ABCA13: variants seen among roughly 807,000 people sequenced by gnomAD.
The protein encoded by ABCA13 is ATP binding cassette subfamily A member 13.
Under a neutral mutation model 478.7 loss-of-function variants are expected in ABCA13, and 476 were observed. The ratio of observed to expected loss-of-function variants is 0.99; its 90% CI spans 0.92 to 1.07. The LOEUF (loss-of-function observed/expected upper bound fraction) is 1.07. Ranked by LOEUF, ABCA13 falls within the 50% of genes least tolerant of loss-of-function variation. The pLI, the probability that ABCA13 is intolerant of heterozygous loss-of-function variation, is 0.00. For missense variants in ABCA13, 6,060 were observed against 5,910.6 expected, an observed-to-expected ratio of 1.03 and a Z score of -0.83; for synonymous variants, 2,252 against 2,158.9, an observed-to-expected ratio of 1.04 and a Z score of -1.20.
At chr7:48,629,123 G>GGT (rs1169691092) in intron 59 of ABCA13, among the ~76,000 whole-genome samples, 4 of 152,164 alleles carry the variant, frequency 2.6e-5, no homozygotes, top group Non-Finnish European at 5.9e-5. Flanking sequence ...GAAACTATCA[G>GGT]GTGTACGATT....
chr7:48,563,215 G>A (rs1786653747), intron 55 of ABCA13, among the ~76,000 whole-genome samples: 1 of 152,088 alleles, frequency 6.6e-6, no homozygotes. Context: ...GTTTAGTTTT[G>A]TGTACCTTCT....
At chr7:48,521,350 A>G (rs990241832) in intron 53 of ABCA13, among the ~76,000 whole-genome samples, 1 of 152,238 alleles carries the variant, frequency 6.6e-6, no homozygotes, top group African/African-American at 2.4e-5. Flanking sequence ...TAAGGATTAT[A>G]AAGACACATG....
chr7:48,421,016 T>C (rs1820671701), intron 41 of ABCA13, among the ~76,000 whole-genome samples: 1 of 152,168 alleles, frequency 6.6e-6, no homozygotes, highest in Non-Finnish European at 1.5e-5. Context: ...TTTGCTGTGA[T>C]TGGTCAGGTT....
At chr7:48,316,043 C>T (rs1802534090) in intron 26 of ABCA13, among the ~76,000 whole-genome samples, 1 of 152,054 alleles carries the variant, frequency 6.6e-6, no homozygotes, top group South Asian at 2.1e-4. Context: ...AAGTATTCCT[C>T]ACTAGCTTAA....
rs564341055 is a variant in ABCA13, at chr7:48,613,006, A to G, written c.14745-2279A>G. Among the ~76,000 whole-genome samples the G allele has an allele frequency of 7.4e-4, 112 of 152,312 alleles. 1 individual carries two copies. Among genetic ancestry groups the G allele is most frequent in the African/African-American group, 2.6e-3 (109 of 41,572 alleles). On this transcript the variant is annotated intron_variant, in intron 58 of 61. Coordinates refer to ENST00000435803, the MANE Select transcript of ABCA13 (RefSeq NM_152701.5). Reference sequence around the variant, plus strand: ...ATAGTTTTAAAATCAATTTGATTTAATGGTTTATATTTTATAATTTGTTGG... The same window carrying G: ...ATAGTTTTAAAATCAATTTGATTTAGTGGTTTATATTTTATAATTTGTTGG...
At position 48,275,101 on chromosome 7, in the gene ABCA13, T is replaced by C; in HGVS notation, c.5435T>C (p.Ile1812Thr). 1 of 1,613,410 alleles carries C rather than the reference T, an allele frequency of 6.2e-7. No homozygotes were observed. The highest frequency in any genetic ancestry group is 8.5e-7 in the Non-Finnish European group (1 of 1,179,578). ...IELVSDKPDIISEALACFPVV... is the reference protein window; with the variant it reads ...IELVSDKPDITSEALACFPVV... Reference sequence around the variant, plus strand: ...TTAGTATCAGATAAGCCAGATATTATTTCAGAGGCTTTAGCTTGTTTTCCT... The same window carrying C: ...TTAGTATCAGATAAGCCAGATATTACTTCAGAGGCTTTAGCTTGTTTTCCT... Residue 1812 changes from isoleucine to threonine, a missense_variant, in exon 17 of 62, where the codon ATT (isoleucine) becomes ACT (threonine). Coordinates refer to ENST00000435803, the MANE Select transcript of ABCA13 (RefSeq NM_152701.5).
At chr7:48,461,896 A>G (rs1380668479) in intron 43 of ABCA13, among the ~76,000 whole-genome samples, 1 of 152,144 alleles carries the variant, frequency 6.6e-6, no homozygotes, top group Admixed American at 6.5e-5. Flanking sequence ...ACAAACACTT[A>G]CAAGGCCATA....
chr7:48,495,171 A>G (rs1036307948), intron 48 of ABCA13, among the ~76,000 whole-genome samples: 14 of 152,230 alleles, frequency 9.2e-5, no homozygotes, highest in Admixed American at 1.3e-4. Context: ...TGAATTTTCT[A>G]AAGTTCAAGG....
At chr7:48,329,331 C>T (rs1188658896) in intron 27 of ABCA13, among the ~76,000 whole-genome samples, 1 of 152,128 alleles carries the variant, frequency 6.6e-6, no homozygotes, top group Admixed American at 6.5e-5. Flanking sequence ...AAAGTGTATA[C>T]AAGATAAAAT....
rs778410080 is a variant in ABCA13 at position 48,392,070 on chromosome 7, A to G, written c.11804A>G (p.His3935Arg). 6.2e-7 allele frequency: 1 copy of G among 1,613,942 alleles called. No homozygotes were observed. The highest frequency in any genetic ancestry group is 8.5e-7 in the Non-Finnish European group (1 of 1,179,864). The change falls in exon 38 of 62, where the codon CAT (histidine) becomes CGT (arginine). Residue 3935 changes from histidine (H) to arginine (R), a missense_variant. His to Arg is a conservative substitution (Grantham distance 29). Around this residue, in one of 3 missense-constraint regions of ABCA13, gnomAD observed 1,627 missense variants for 1,571.0 expected, o/e 1.04. Coordinates refer to ENST00000435803, the MANE Select transcript of ABCA13 (RefSeq NM_152701.5). ...ILLDNLTVRE[H>R]LLLFASIKAP... ...TTGGACAACCTCACCGTCCGGGAAC[A>G]TTTGCTGCTCTTTGCTTCCATAAAG...
intron 42 of ABCA13, among the ~76,000 whole-genome samples, chr7:48,438,140 C>T (rs2129158110): frequency 6.6e-6 from 1 of 152,196 alleles, no homozygotes; most frequent in South Asian, 2.1e-4. Context: ...CCTTTGGGCA[C>T]TCTACAACCA....
Position 48,281,319 on chromosome 7 carries a change from C to T in ABCA13, c.8727-24C>T, listed in dbSNP as rs1321056266. 4 of 1,563,002 alleles carry T rather than the reference C, an allele frequency of 2.6e-6. No individual in the cohort carries two copies. In the Admixed American group the frequency reaches 7.6e-5, roughly 30 times the overall value. ...GTTGCACATTTTTACCCTTTTATGT[C>T]ATTGTATATATTTTTTTGCTAAGTG... On this transcript the variant is annotated intron_variant, in intron 18 of 61. Transcript: ENST00000435803.
At position 48,396,662 on chromosome 7, in the gene ABCA13, C is replaced by T. The variant is rs557330650; in HGVS notation, c.11873+4523C>T. Among the ~76,000 whole-genome samples the T allele has an allele frequency of 8.5e-5, 13 of 152,318 alleles. No homozygotes were observed. The South Asian group carries it at 1.0e-3, about 12-fold the overall frequency. On this transcript the variant is annotated intron_variant, in intron 38 of 61. Coordinates refer to ENST00000435803, the MANE Select transcript of ABCA13 (RefSeq NM_152701.5). ...TAGTGTTGATGCCCTAATGGGAGTACGGACCCTCATTGGGGATTCCATGAG... is the reference window on the plus strand; with the variant it reads ...TAGTGTTGATGCCCTAATGGGAGTATGGACCCTCATTGGGGATTCCATGAG...
At chr7:48,270,975 C>T (rs1190723280) in intron 16 of ABCA13, among the ~76,000 whole-genome samples, 1 of 152,142 alleles carries the variant, frequency 6.6e-6, no homozygotes, top group Non-Finnish European at 1.5e-5. Flanking sequence ...TATTATCCTG[C>T]GTCGCGAGAT....
intron 47 of ABCA13, 114 bp downstream of exon 47, chr7:48,483,277 G>T: frequency 3.5e-6 from 3 of 868,922 alleles, no homozygotes; most frequent in Admixed American, 5.7e-5. Context: ...CCAATCATTT[G>T]TTACTAAGCA....
intron 55 of ABCA13, among the ~76,000 whole-genome samples, chr7:48,557,661 A>G (rs930740340): frequency 6.6e-6 from 1 of 152,074 alleles, no homozygotes; most frequent in Non-Finnish European, 1.5e-5. Context: ...TTGATTATTA[A>G]ATGGCTCAGA....
At chr7:48,239,103 C>T in intron 8 of ABCA13, 138 bp from the exon 9 acceptor site, 2 of 858,884 alleles carry the variant, frequency 2.3e-6, no homozygotes, top group African/African-American at 1.7e-5. Flanking sequence ...AGGTAAATCA[C>T]ATAGATATCA....
chr7:48,430,115 CTCT>C (rs1821940945), intron 42 of ABCA13, among the ~76,000 whole-genome samples: 1 of 152,066 alleles, frequency 6.6e-6, no homozygotes, highest in Non-Finnish European at 1.5e-5. Context: ...TTGGTATTAG[CTCT>C]TCTTTCAATG....
At position 48,468,083 on chromosome 7, in the gene ABCA13, G is replaced by T. The variant is rs113035310; in HGVS notation, c.12905+1038G>T. Among the ~76,000 whole-genome samples, 1,297 of 152,068 alleles carry T rather than the reference G, an allele frequency of 8.5e-3. 25 individuals carry two copies. Among genetic ancestry groups the T allele is most frequent in the African/African-American group, 0.03 (1,239 of 41,478 alleles). ...GTAACCTAGGGCCCCATGGGGTCCA[G>T]CCCTGGTCCAAGCTGGGATCAAAGA... On this transcript the variant is annotated intron_variant, in intron 44 of 61. Transcript: ENST00000435803.
Sources: allele counts gnomAD v4.1 joint callset (sites outside exome capture counted in the v4.1 genomes callset), GRCh38; gene constraint gnomAD v4.1.1; regional missense constraint gnomAD v4.1.1; transcripts MANE v1.5; gene names NCBI Gene and HGNC (gene_info 2026-07-23, HGNC 2026-07-21).